The following COL14A1 variants were observed in gnomAD, a reference collection of about 807,000 sequenced individuals.
COL14A1 encodes the protein collagen type XIV alpha 1 chain.
A neutral mutation model predicts 230.3 loss-of-function variants in COL14A1; 136 were observed. That is an observed-to-expected ratio of 0.59 (90% confidence interval 0.51 to 0.68). COL14A1 has a LOEUF of 0.68. Ranked by LOEUF, COL14A1 falls within the 30% of genes least tolerant of loss-of-function variation. The pLI is 0.00. For synonymous variants in COL14A1, 792 were observed against 784.1 expected (o/e 1.01, Z -0.17); for missense variants, 1,976 against 2,215.8 (o/e 0.89, Z 2.17).
chr8:120,183,709 G>A (rs1236082968), intron 5 of COL14A1, among the ~76,000 whole-genome samples: 1 of 152,160 alleles, frequency 6.6e-6, no homozygotes, highest in Non-Finnish European at 1.5e-5. Context: ...TTCGGCTGTG[G>A]CACAACAACC....
intron 45 of COL14A1, among the ~76,000 whole-genome samples, chr8:120,359,355 G>C (rs980983344): frequency 2.0e-4 from 30 of 152,002 alleles, no homozygotes; most frequent in African/African-American, 7.2e-4. Context: ...ATGAAGTGCT[G>C]TTGGTCATAA....
intron 36 of COL14A1, among the ~76,000 whole-genome samples, chr8:120,305,090 TGCCTCA>T (rs1166746217): frequency 6.6e-6 from 1 of 152,084 alleles, no homozygotes; most frequent in Non-Finnish European, 1.5e-5. Context: ...GTGATTCTCC[TGCCTCA>T]GCCTCCCGAG....
chr8:120,207,848 A>G (rs1817489193), intron 10 of COL14A1, among the ~76,000 whole-genome samples: 1 of 152,174 alleles, frequency 6.6e-6, no homozygotes, highest in Non-Finnish European at 1.5e-5. Context: ...ACCAAAAAAA[A>G]AAAAAAAAGA....
Position 120,249,254 on chromosome 8 carries a change from C to G in COL14A1, c.2603-1363C>G, listed in dbSNP as rs530600213. Among the ~76,000 whole-genome samples the G allele has an allele frequency of 3.3e-5, 5 of 152,108 alleles. No individual in the cohort carries two copies. The South Asian group carries it at 1.0e-3, about 32-fold the overall frequency. ...TTTCATCTGAGATATGGTTCTCGCCCCATATCAATTTTCAGCCTTTTCTAT... is the reference window on the plus strand; with the variant it reads ...TTTCATCTGAGATATGGTTCTCGCCGCATATCAATTTTCAGCCTTTTCTAT... On this transcript the variant is annotated intron_variant, in intron 21 of 47. Coordinates refer to ENST00000297848, the MANE Select transcript of COL14A1 (RefSeq NM_021110.4).
chr8:120,297,271 G>A (rs1231654851), intron 34 of COL14A1, among the ~76,000 whole-genome samples: 1 of 151,740 alleles, frequency 6.6e-6, no homozygotes, highest in African/African-American at 2.4e-5. Context: ...GAAATGAGAG[G>A]GGAAGTTTTG....
chr8:120,341,207 TGCTGCAGAA>T, intron 42 of COL14A1, 109 bp from the exon 43 acceptor site: 1 of 950,526 alleles, frequency 1.1e-6, no homozygotes, highest in African/African-American at 1.6e-5. Flanking sequence ...TAATGATTTT[TGCTGCAGAA>T]TTACTGGTGC....
chr8:120,210,883 T>C (rs2130761413), intron 12 of COL14A1, among the ~76,000 whole-genome samples: 1 of 152,278 alleles, frequency 6.6e-6, no homozygotes, highest in East Asian at 1.9e-4. Flanking sequence ...TTTTGTCTAT[T>C]TGAATTTAAA....
intron 14 of COL14A1, 22 bp from the exon 15 acceptor site, chr8:120,225,066 T>C: frequency 6.2e-7 from 1 of 1,603,760 alleles, no homozygotes; most frequent in Non-Finnish European, 8.5e-7. Context: ...AGAGCTGTTA[T>C]TATGACTTAT....
chr8:120,256,665 A>T (rs1225292369), intron 23 of COL14A1, among the ~76,000 whole-genome samples: 3 of 152,204 alleles, frequency 2.0e-5, no homozygotes, highest in African/African-American at 7.2e-5. Flanking sequence ...GATTTATGGG[A>T]TGCCAAAAGT....
intron 40 of COL14A1, among the ~76,000 whole-genome samples, chr8:120,321,004 C>G (rs553723469): frequency 6.6e-6 from 1 of 152,242 alleles, no homozygotes; most frequent in East Asian, 1.9e-4. Context: ...GTGTTAGAGC[C>G]AGGATTTTAA....
intron 13 of COL14A1, chr8:120,214,022 C>A: frequency 3.0e-6 from 1 of 332,972 alleles, no homozygotes; most frequent in Non-Finnish European, 5.8e-6. Context: ...AAGAACTGGG[C>A]TTTGAGGTTA....
chr8:120,215,277 A>G (rs1159683916), intron 13 of COL14A1, among the ~76,000 whole-genome samples: 2 of 152,158 alleles, frequency 1.3e-5, no homozygotes, highest in Admixed American at 6.5e-5. Context: ...AGGCTGAGGC[A>G]TGAGAATCAC....
chr8:120,289,762 C>T lies in COL14A1; in HGVS notation c.4232C>T (p.Ala1411Val), dbSNP rs763147774. The T allele has an allele frequency of 7.4e-6, 12 of 1,612,252 alleles. No individual in the cohort carries two copies. The highest frequency in any genetic ancestry group is 1.3e-5 in the African/African-American group (1 of 74,964). The change falls in exon 34 of 48, where the codon GCA becomes GTA. Residue 1411 changes from alanine to valine, a missense_variant. Coordinates refer to ENST00000297848, the MANE Select transcript of COL14A1 (RefSeq NM_021110.4). The stretch of plus-strand genomic sequence containing the variant: ...TCAAGAGGACCAGGTGGAAACTCTG[C>T]ACCGGTAAGTGAATAAACCCGTGAA... ...VRSRGPGGNS[A>V]PFQLQMFDIV... is the part of the protein sequence containing the mutation.
chr8:120,211,255 T>C (rs1817609071), intron 12 of COL14A1, among the ~76,000 whole-genome samples: 1 of 152,150 alleles, frequency 6.6e-6, no homozygotes, highest in Non-Finnish European at 1.5e-5. Flanking sequence ...GGCCTGTTAA[T>C]AGAGGAATGG....
chr8:120,370,452 A>T, intron 47 of COL14A1: 1 of 1,566,054 alleles, frequency 6.4e-7, no homozygotes, highest in Non-Finnish European at 8.6e-7. Context: ...CACCACCACC[A>T]AGCCCCTGCC....
intron 1 of COL14A1, among the ~76,000 whole-genome samples, chr8:120,126,958 C>A (rs1814360541): frequency 6.6e-6 from 1 of 151,944 alleles, no homozygotes; most frequent in Non-Finnish European, 1.5e-5. Flanking sequence ...ATTCATATAC[C>A]TCTCAATTAA....
chr8:120,135,104 G>A (rs913139636), intron 1 of COL14A1, among the ~76,000 whole-genome samples: 4 of 152,298 alleles, frequency 2.6e-5, no homozygotes, highest in East Asian at 3.9e-4. Context: ...CATACTTTTA[G>A]CCATGGTGAT....
intron 5 of COL14A1, among the ~76,000 whole-genome samples, chr8:120,190,672 C>G (rs1816793349): frequency 6.6e-6 from 1 of 152,128 alleles, no homozygotes; most frequent in African/African-American, 2.4e-5. Flanking sequence ...TCCATCTGGT[C>G]CTGGACTCTT....
intron 3 of COL14A1, among the ~76,000 whole-genome samples, chr8:120,161,808 C>T (rs1220251508): frequency 2.0e-5 from 3 of 152,110 alleles, no homozygotes; most frequent in Non-Finnish European, 4.4e-5. Context: ...GGACTACAGA[C>T]AAACACCACC....
Sources: allele counts gnomAD v4.1 joint callset (sites outside exome capture counted in the v4.1 genomes callset), GRCh38; gene constraint gnomAD v4.1.1; transcripts MANE v1.5; gene names NCBI Gene and HGNC (gene_info 2026-07-23, HGNC 2026-07-21).